Variants in CCDC6 observed in about 807,000 individuals in gnomAD.
CCDC6 encodes coiled-coil domain containing 6, also known as coiled-coil domain-containing protein 6.
CCDC6 carries 20 observed loss-of-function variants against 56.6 expected under a neutral mutation model. That is an observed-to-expected ratio of 0.35 (90% CI 0.25 to 0.51). The LOEUF (loss-of-function observed/expected upper bound fraction) is 0.51, where lower values mean the gene tolerates loss of function less well. Among genes scored for constraint, CCDC6 ranks in the 20% least tolerant of loss-of-function variants. The pLI is 0.95. For synonymous variants in CCDC6, 241 were observed against 234.4 expected (o/e 1.03, Z -0.26); for missense variants, 367 against 601.1 (o/e 0.61, Z 4.07).
At chr10:59,876,230 G>A (rs1008400372) in intron 1 of CCDC6, among the ~76,000 whole-genome samples, 1 of 151,796 alleles carries the variant, frequency 6.6e-6, no homozygotes, top group African/African-American at 2.4e-5. Context: ...TGTATTTTTA[G>A]TAGAGACGGG....
In CCDC6 at chr10:59,806,996, C is replaced by T. The variant is rs2132628047; in HGVS notation, c.930G>A (p.Arg310=). The T allele has an allele frequency of 1.9e-6, 3 of 1,614,018 alleles. No homozygotes were observed. The highest frequency in any genetic ancestry group is 1.6e-4 in the Middle Eastern group (1 of 6,062). Residue 310 remains arginine, a synonymous_variant, in exon 6 of 9, where the codon AGG becomes AGA. Coordinates refer to ENST00000263102, the MANE Select transcript of CCDC6 (RefSeq NM_005436.5). ...AGAGGGCTTCTCTTCTCTCCATCTC[C>T]CTCTGCAGCTTCCTCTGGAGCCTCA... ...ENLRLQRKLQ[R]EMERREALCR... is the part of the protein sequence containing the mutation.
chr10:59,807,157 G>A, intron 5 of CCDC6, 79 bp from the exon 6 acceptor site: 6 of 1,272,854 alleles, frequency 4.7e-6, no homozygotes, highest in African/African-American at 1.5e-5. Flanking sequence ...CTTCAGTTCA[G>A]CCCCTATGCC....
intron 3 of CCDC6, among the ~76,000 whole-genome samples, chr10:59,815,252 A>G (rs1325859258): frequency 6.6e-6 from 1 of 152,218 alleles, no homozygotes; most frequent in Admixed American, 6.5e-5. Flanking sequence ...AACACGCACA[A>G]AATATGATAA....
chr10:59,802,528 G>C (rs1260378701), intron 7 of CCDC6, among the ~76,000 whole-genome samples: 1 of 152,086 alleles, frequency 6.6e-6, no homozygotes, highest in East Asian at 1.9e-4. Flanking sequence ...GAGTAATTCT[G>C]CTGCCAAATA....
At chr10:59,855,076 G>C (rs970181518) in intron 1 of CCDC6, among the ~76,000 whole-genome samples, 1 of 152,192 alleles carries the variant, frequency 6.6e-6, no homozygotes, top group African/African-American at 2.4e-5. Context: ...AGACTAGGCA[G>C]ATCACCTTTC....
intron 2 of CCDC6, among the ~76,000 whole-genome samples, chr10:59,835,418 G>GT: frequency 6.6e-6 from 1 of 152,254 alleles, no homozygotes; most frequent in Non-Finnish European, 1.5e-5. Context: ...GATTGAACTA[G>GT]TAACAAAGCC....
At chr10:59,869,421 AGAAAAAAG>A (rs2071208127) in intron 1 of CCDC6, among the ~76,000 whole-genome samples, 2 of 42,456 alleles carry the variant, frequency 4.7e-5, no homozygotes, top group Non-Finnish European at 9.0e-5. Context: ...AAAAAAAAAC[AGAAAAAAG>A]AAAAAAAAAA....
intron 2 of CCDC6, among the ~76,000 whole-genome samples, chr10:59,842,167 G>A (rs1047805478): frequency 6.6e-6 from 1 of 151,910 alleles, no homozygotes; most frequent in Non-Finnish European, 1.5e-5. Context: ...TCAGCATCCC[G>A]AGTAGCTGGG....
chr10:59,853,068 G>T (rs956564353), intron 1 of CCDC6, among the ~76,000 whole-genome samples: 2 of 37,004 alleles, frequency 5.4e-5, no homozygotes, highest in Non-Finnish European at 9.9e-5. Flanking sequence ...CTGTGCTATG[G>T]TACATCAATT....
chr10:59,862,798 G>A (rs78913497), intron 1 of CCDC6, among the ~76,000 whole-genome samples: 27,607 of 151,882 alleles, frequency 0.18, 3,238 homozygotes, highest in Middle Eastern at 0.27. Context: ...CTTATATAAC[G>A]TATATGGCAG....
chr10:59,865,108 C>G (rs964985527), intron 1 of CCDC6, among the ~76,000 whole-genome samples: 3 of 152,188 alleles, frequency 2.0e-5, no homozygotes, highest in Admixed American at 6.5e-5. Flanking sequence ...CAGCTATTTA[C>G]GAGAAACCTA....
intron 7 of CCDC6, among the ~76,000 whole-genome samples, chr10:59,796,060 T>C (rs1006619143): frequency 3.0e-4 from 45 of 152,312 alleles, no homozygotes; most frequent in African/African-American, 9.1e-4. Context: ...ACACTGACTT[T>C]CACAATGGTT....
At chr10:59,869,977 C>A (rs147062733) in intron 1 of CCDC6, among the ~76,000 whole-genome samples, 1 of 152,148 alleles carries the variant, frequency 6.6e-6, no homozygotes, top group Non-Finnish European at 1.5e-5. Flanking sequence ...ATCTCAGATC[C>A]CCCTGAAGAG....
At chr10:59,905,990 C>T (rs1015680120) in intron 1 of CCDC6, 132 bp downstream of exon 1, 1 of 774,740 alleles carries the variant, frequency 1.3e-6, no homozygotes, top group Non-Finnish European at 2.0e-6. Context: ...GCCAGCAGGT[C>T]CCCGCAGGGA....
intron 1 of CCDC6, among the ~76,000 whole-genome samples, chr10:59,868,263 C>G (rs2071194231): frequency 6.6e-6 from 1 of 152,068 alleles, no homozygotes; most frequent in Non-Finnish European, 1.5e-5. Context: ...ATGAAGGTTG[C>G]CAGGTAGAAG....
rs529078362 is a variant in CCDC6 at position 59,889,063 on chromosome 10, C to A, written c.303+17059G>T. Reference sequence around the variant, plus strand: ...AATATCAGGGGACCCACGCACGCTTCACCCATCAAAACTAACTGGCACTGC... The same window carrying A: ...AATATCAGGGGACCCACGCACGCTTAACCCATCAAAACTAACTGGCACTGC... On this transcript the variant is annotated intron_variant, in intron 1 of 8. Coordinates refer to ENST00000263102, the MANE Select transcript of CCDC6 (RefSeq NM_005436.5). Among the ~76,000 whole-genome samples the A allele has an allele frequency of 5.9e-5, 9 of 152,250 alleles. No homozygotes were observed. In the South Asian group the frequency reaches 1.9e-3, roughly 32 times the overall value.
intron 3 of CCDC6, among the ~76,000 whole-genome samples, 199 bp from the exon 4 acceptor site, chr10:59,814,954 C>T (rs2070700051): frequency 6.6e-6 from 1 of 152,012 alleles, no homozygotes. Flanking sequence ...GATGTTAATG[C>T]TTAATTGTTG....
intron 1 of CCDC6, among the ~76,000 whole-genome samples, chr10:59,877,779 C>G (rs1356781731): frequency 6.6e-6 from 1 of 152,302 alleles, no homozygotes; most frequent in East Asian, 1.9e-4. Context: ...AGACATCCAC[C>G]TACAATGTGC....
intron 1 of CCDC6, among the ~76,000 whole-genome samples, chr10:59,860,705 CACAATCCCATAT>C (rs2071120653): frequency 6.6e-6 from 1 of 152,160 alleles, no homozygotes; most frequent in Non-Finnish European, 1.5e-5. Flanking sequence ...CAAATTAACT[CACAATCCCATAT>C]ACATGACCTA....
Sources: gnomAD v4.1 joint callset for allele counts (sites outside exome capture counted in the v4.1 genomes callset) on GRCh38, gnomAD v4.1.1 for gene constraint, MANE v1.5 for transcripts, NCBI Gene and HGNC (gene_info 2026-07-23, HGNC 2026-07-21) for gene names.